The following ARSB variants were observed in gnomAD, a reference collection of about 807,000 sequenced individuals.
ARSB encodes N-acetylgalactosamine-4-sulfatase.
ARSB carries 41 observed loss-of-function variants against 50.9 expected under a neutral mutation model. The ratio of observed to expected loss-of-function variants is 0.81; its 90% CI spans 0.63 to 1.04. The LOEUF (loss-of-function observed/expected upper bound fraction) is 1.04. Ranked by LOEUF, ARSB falls within the 50% of genes least tolerant of loss-of-function variation. The probability of loss-of-function intolerance (pLI) is 0.00; values close to 1 mark genes in which losing one functional copy is unlikely to be tolerated. For synonymous variants in ARSB, 269 were observed against 284.8 expected, an observed-to-expected ratio of 0.94 and a Z score of 0.56; for missense variants, 672 against 693.3, an observed-to-expected ratio of 0.97 and a Z score of 0.35.
At chr5:78,891,976 T>G (rs427984) in intron 4 of ARSB, among the ~76,000 whole-genome samples, 92,114 of 151,840 alleles carry the variant, frequency 0.61, 28,494 homozygotes, top group East Asian at 0.84. Context: ...ACTCAATCTC[T>G]GAGCCTAAGT....
chr5:78,873,712 G>T (rs1395204076), intron 5 of ARSB, among the ~76,000 whole-genome samples: 1 of 151,416 alleles, frequency 6.6e-6, no homozygotes, highest in African/African-American at 2.4e-5. Context: ...AGCCGGGATG[G>T]TCTCGATCTC....
In ARSB at chr5:78,777,470, A is replaced by G. The variant is rs1299481372; in HGVS notation, c.*2927T>C. ...ACATATGGCTGACACATTTTAAAAGATTAATTTTATTTTGTCCCCCAAATC... is the reference window on the plus strand; with the variant it reads ...ACATATGGCTGACACATTTTAAAAGGTTAATTTTATTTTGTCCCCCAAATC... On this transcript the variant is annotated 3_prime_UTR_variant, in exon 8 of 8. Coordinates refer to ENST00000264914, the MANE Select transcript of ARSB (RefSeq NM_000046.5). 1 of 152,574 alleles carries G rather than the reference A, an allele frequency of 6.6e-6. No individual in the cohort carries two copies. The highest frequency in any genetic ancestry group is 1.5e-5 in the Non-Finnish European group (1 of 68,038). 9.5% of individuals were successfully genotyped at this position (152,574 alleles called of 1,614,324 possible).
chr5:78,866,843 G>A (rs1746778112), intron 5 of ARSB, among the ~76,000 whole-genome samples: 1 of 152,242 alleles, frequency 6.6e-6, no homozygotes, highest in South Asian at 2.1e-4. Flanking sequence ...GACAGTTCCG[G>A]TCTACGGCTC....
intron 6 of ARSB, among the ~76,000 whole-genome samples, chr5:78,825,304 G>A (rs1744389539): frequency 6.6e-6 from 1 of 152,058 alleles, no homozygotes; most frequent in African/African-American, 2.4e-5. Context: ...TGATTTATGG[G>A]CATCTTTTTC....
At chr5:78,904,681 CTTTCTT>C (rs1400726293) in intron 4 of ARSB, among the ~76,000 whole-genome samples, 21 of 127,296 alleles carry the variant, frequency 1.6e-4, no homozygotes, top group African/African-American at 2.3e-4. Flanking sequence ...TCTTTTCTTT[CTTTCTT>C]TTTTTTTTTT....
chr5:78,873,645 G>A lies in ARSB; in HGVS notation c.1142+11939C>T, dbSNP rs547532674. Among the ~76,000 whole-genome samples the A allele has an allele frequency of 2.3e-3, 339 of 150,138 alleles. 1 individual carries two copies. The highest frequency in any genetic ancestry group is 7.9e-3 in the African/African-American group (322 of 40,970). The stretch of plus-strand genomic sequence containing the variant: ...CAAGGAGCTGGGACTACAGGCGCCC[G>A]CCACTACGCCCGGCTAATTTTTTGT... On this transcript the variant is annotated intron_variant, in intron 5 of 7. Transcript: ENST00000264914.
At chr5:78,919,393 A>G (rs1270852406) in intron 4 of ARSB, among the ~76,000 whole-genome samples, 2 of 152,194 alleles carry the variant, frequency 1.3e-5, no homozygotes, top group Non-Finnish European at 2.9e-5. Flanking sequence ...CAAATACCCA[A>G]GTTTGGTCAA....
chr5:78,801,484 T>C (rs140561738), intron 6 of ARSB, among the ~76,000 whole-genome samples: 1 of 152,312 alleles, frequency 6.6e-6, no homozygotes, highest in East Asian at 1.9e-4. Context: ...GGAAGATGAA[T>C]TGCATGACAT....
chr5:78,838,311 T>G (rs188398265), intron 6 of ARSB, among the ~76,000 whole-genome samples: 2 of 151,988 alleles, frequency 1.3e-5, no homozygotes, highest in South Asian at 4.2e-4. Context: ...GTTTCAGGCA[T>G]AGGGAAAAGC....
chr5:78,974,922 T>C (rs1179321473), intron 1 of ARSB, among the ~76,000 whole-genome samples: 3 of 152,186 alleles, frequency 2.0e-5, no homozygotes, highest in Admixed American at 2.0e-4. Flanking sequence ...TAATGCATCC[T>C]TTGTTTCTCC....
intron 6 of ARSB, among the ~76,000 whole-genome samples, chr5:78,821,707 C>T: frequency 6.6e-6 from 1 of 152,212 alleles, no homozygotes; most frequent in East Asian, 1.9e-4. Flanking sequence ...AATGCTTCTA[C>T]TTATTAGCTC....
chr5:78,972,033 T>C (rs12153761), intron 1 of ARSB, among the ~76,000 whole-genome samples: 76,028 of 152,104 alleles, frequency 0.5, 20,602 homozygotes, highest in African/African-American at 0.69. Flanking sequence ...TCCACGCTGC[T>C]TTCTCAGTCC....
chr5:78,787,628 G>A (rs1011375948), intron 6 of ARSB, among the ~76,000 whole-genome samples: 6 of 152,190 alleles, frequency 3.9e-5, no homozygotes, highest in Non-Finnish European at 8.8e-5. Context: ...AAGATATTTG[G>A]TGACAAAAGA....
chr5:78,980,734 A>ATGTG (rs1554089416), intron 1 of ARSB, among the ~76,000 whole-genome samples: 38 of 151,008 alleles, frequency 2.5e-4, no homozygotes, highest in African/African-American at 6.6e-4. Context: ...AAGTGTGTGT[A>ATGTG]TGTGTGTGTG....
intron 4 of ARSB, among the ~76,000 whole-genome samples, chr5:78,911,410 C>A (rs1749299348): frequency 6.6e-6 from 1 of 151,438 alleles, no homozygotes; most frequent in Non-Finnish European, 1.5e-5. Context: ...CCCGTCTCTA[C>A]TAAAAATACA....
intron 4 of ARSB, among the ~76,000 whole-genome samples, chr5:78,939,438 C>T (rs1183734585): frequency 1.3e-5 from 2 of 152,040 alleles, no homozygotes; most frequent in Non-Finnish European, 2.9e-5. Context: ...CCCCTTCCCC[C>T]GACCCCACAA....
chr5:78,793,244 A>G (rs1161623191), intron 6 of ARSB, among the ~76,000 whole-genome samples: 2 of 152,214 alleles, frequency 1.3e-5, no homozygotes, highest in African/African-American at 4.8e-5. Context: ...ATGGATGGTC[A>G]GCTGGAGCAA....
intron 1 of ARSB, among the ~76,000 whole-genome samples, chr5:78,970,751 C>G (rs1023372074): frequency 1.3e-5 from 2 of 152,114 alleles, no homozygotes; most frequent in Non-Finnish European, 2.9e-5. Context: ...TCCAGGAATT[C>G]CAGACCAGCC....
At position 78,777,576 on chromosome 5, in the gene ARSB, G is replaced by A. The variant is rs75662168; in HGVS notation, c.*2821C>T. 2.6e-5 allele frequency: 4 copies of A among 152,538 alleles called. No individual in the cohort carries two copies. The highest frequency in any genetic ancestry group is 5.9e-5 in the Non-Finnish European group (4 of 67,990). 9.4% of individuals were successfully genotyped at this position (152,538 alleles called of 1,614,324 possible). A position where few individuals can be genotyped will look rare whatever the true frequency, so the allele number is the denominator to read the frequency against. On this transcript the variant is annotated 3_prime_UTR_variant, in exon 8 of 8. Coordinates refer to ENST00000264914, the MANE Select transcript of ARSB (RefSeq NM_000046.5). ...TCTGTAAAGGTAAAAAAATTTGCCG[G>A]GCACAGTGGCTCACACCTGTAATCC...
Sources: allele counts gnomAD v4.1 joint callset (sites outside exome capture counted in the v4.1 genomes callset), GRCh38; gene constraint gnomAD v4.1.1; transcripts MANE v1.5; gene names NCBI Gene and HGNC (gene_info 2026-07-23, HGNC 2026-07-21).